The following TBCE variants were observed in gnomAD, a reference collection of about 807,000 sequenced individuals.
The protein encoded by TBCE is tubulin-specific chaperone E.
TBCE carries 53 observed loss-of-function variants against 77.0 expected under a neutral mutation model. The ratio of observed to expected loss-of-function variants is 0.69; its 90% CI spans 0.55 to 0.87. TBCE has a LOEUF of 0.87. Among genes scored for constraint, TBCE ranks in the 40% least tolerant of loss-of-function variants. The probability of loss-of-function intolerance (pLI) is 0.00; values close to 1 mark genes in which losing one functional copy is unlikely to be tolerated. For synonymous variants in TBCE, 235 were observed against 241.3 expected, an observed-to-expected ratio of 0.97 and a Z score of 0.24; for missense variants, 624 against 622.4, an observed-to-expected ratio of 1.00 and a Z score of -0.03.
intron 6 of TBCE, 31 bp downstream of exon 6, chr1:235,427,270 A>G: frequency 6.8e-7 from 1 of 1,475,436 alleles, no homozygotes; most frequent in Non-Finnish European, 9.5e-7. Flanking sequence ...AATCTTCATT[A>G]ACAATAAAGC....
chr1:235,412,033 T>C (rs2102876862), intron 3 of TBCE, among the ~76,000 whole-genome samples: 1 of 144,390 alleles, frequency 6.9e-6, no homozygotes, highest in Non-Finnish European at 1.5e-5. Flanking sequence ...GACCTGGTTT[T>C]AGCATTGGAC....
chr1:235,373,547 A>T (rs1250788123), intron 1 of TBCE, among the ~76,000 whole-genome samples: 1 of 151,358 alleles, frequency 6.6e-6, no homozygotes. Flanking sequence ...GGGTTCAAGC[A>T]ATTCTTGTGC....
In TBCE at chr1:235,442,889, A is replaced by G. The variant is rs1454249830; in HGVS notation, c.1377A>G (p.Lys459=). 1 of 1,614,106 alleles carries G rather than the reference A, an allele frequency of 6.2e-7. No homozygotes were observed. The highest frequency in any genetic ancestry group is 1.7e-5 in the Admixed American group (1 of 60,020). Reference sequence around the variant, plus strand: ...AATACCCTCATCAACTTGATCAGAAAGTCCTGGAGAAACAACTGCCGGGTA... The same window carrying G: ...AATACCCTCATCAACTTGATCAGAAGGTCCTGGAGAAACAACTGCCGGGTA... ...KIKYPHQLDQ[K]VLEKQLPGSM... Residue 459 remains lysine, a synonymous_variant, in exon 15 of 17, where the codon AAA becomes AAG. Transcript: ENST00000642610.
Position 235,419,490 on chromosome 1 carries a change from A to T in TBCE, c.389A>T (p.Gln130Leu). 6.2e-7 allele frequency: 1 copy of T among 1,614,140 alleles called. No homozygotes were observed. The highest frequency in any genetic ancestry group is 8.5e-7 in the Non-Finnish European group (1 of 1,180,030). ...MKQQSQLSKL[Q>L]EVSLRNCAVS... Reference sequence around the variant, plus strand: ...TCATGCAGTCAGCTGAGCAAGTTGCAAGAAGTTTCTCTGAGGAACTGTGCA... The same window carrying T: ...TCATGCAGTCAGCTGAGCAAGTTGCTAGAAGTTTCTCTGAGGAACTGTGCA... The change falls in exon 5 of 17, where the codon CAA becomes CTA. Residue 130 changes from glutamine (Q) to leucine (L), a missense_variant. Transcript: ENST00000642610.
In TBCE at chr1:235,392,017, T is replaced by C. The variant is rs181228392; in HGVS notation, c.101-9486T>C. ...AAAAATACGTTTTCTTACAAAACTG[T>C]ACAGTTTAAATTGTGATTCATAGGT... On this transcript the variant is annotated intron_variant, in intron 2 of 16. Coordinates refer to ENST00000642610, the MANE Select transcript of TBCE (RefSeq NM_003193.5). Among the ~76,000 whole-genome samples, 204 of 152,248 alleles carry C rather than the reference T, an allele frequency of 1.3e-3. 1 individual carries two copies. The Middle Eastern group carries it at 0.017, about 13-fold the overall frequency.
At chr1:235,440,026 A>G (rs6429089) in intron 13 of TBCE, among the ~76,000 whole-genome samples, 84,100 of 151,724 alleles carry the variant, frequency 0.55, 23,423 homozygotes, top group East Asian at 0.66. Flanking sequence ...GCTGGAGTGC[A>G]GTGCCGCGAT....
At position 235,434,212 on chromosome 1, in the gene TBCE, G is replaced by C. The variant is rs148776502; in HGVS notation, c.669G>C (p.Arg223=). The change falls in exon 8 of 17, where the codon CGG becomes CGC. Residue 223 remains arginine, a synonymous_variant. Coordinates refer to ENST00000642610, the MANE Select transcript of TBCE (RefSeq NM_003193.5). ...CCGAGTTTCTCTTCCAGGTGCTGCG[G>C]TGTGTCGCGGGGTGCCCAGGCCTGG... ...QTGITWAEVL[R]CVAGCPGLEE... 16 of 1,614,056 alleles carry C rather than the reference G, an allele frequency of 9.9e-6. No homozygotes were observed. Among genetic ancestry groups the C allele is most frequent in the African/African-American group, 1.3e-5 (1 of 74,944 alleles).
chr1:235,441,552 C>T, intron 13 of TBCE: 1 of 504,522 alleles, frequency 2.0e-6, no homozygotes, highest in Non-Finnish European at 3.6e-6. Context: ...CATTTGTTGT[C>T]TTTTGTTGAG....
chr1:235,368,625 C>A (rs551348858), intron 1 of TBCE, among the ~76,000 whole-genome samples: 2 of 125,950 alleles, frequency 1.6e-5, no homozygotes, highest in African/African-American at 5.9e-5. Context: ...GTGGCCCAAT[C>A]TCAGCTCACT....
intron 2 of TBCE, among the ~76,000 whole-genome samples, chr1:235,392,561 C>A (rs558183043): frequency 1.3e-5 from 2 of 151,596 alleles, no homozygotes; most frequent in African/African-American, 2.4e-5. Flanking sequence ...CAGGCACCCC[C>A]CTCCATGCCC....
chr1:235,371,046 T>TTTC (rs1676915987), intron 1 of TBCE, among the ~76,000 whole-genome samples: 1 of 103,732 alleles, frequency 9.6e-6, no homozygotes, highest in Non-Finnish European at 1.9e-5. Flanking sequence ...GGCTTTTTTT[T>TTTC]TTTTTTTTTT....
intron 3 of TBCE, among the ~76,000 whole-genome samples, chr1:235,407,512 G>A (rs750606821): frequency 6.6e-6 from 1 of 152,198 alleles, no homozygotes; most frequent in Admixed American, 6.6e-5. Flanking sequence ...GGTAAGATTA[G>A]TCTTAGAGTC....
chr1:235,403,316 C>T (rs941458395), intron 3 of TBCE, among the ~76,000 whole-genome samples: 3 of 152,146 alleles, frequency 2.0e-5, no homozygotes, highest in Non-Finnish European at 4.4e-5. Flanking sequence ...AAGCAATTCC[C>T]CTGCCTCAGC....
At chr1:235,374,586 C>G (rs1277751035) in intron 1 of TBCE, among the ~76,000 whole-genome samples, 1 of 145,476 alleles carries the variant, frequency 6.9e-6, no homozygotes, top group African/African-American at 2.7e-5. Context: ...CTGCAACCTC[C>G]GCCTCCTGGA....
At chr1:235,442,264 G>A (rs1407653018) in intron 14 of TBCE, among the ~76,000 whole-genome samples, 4 of 152,084 alleles carry the variant, frequency 2.6e-5, no homozygotes, top group Admixed American at 6.6e-5. Context: ...TCCGCCTCCC[G>A]GGTTCAAGCG....
chr1:235,432,723 A>T (rs1315009051), intron 7 of TBCE, among the ~76,000 whole-genome samples: 1 of 152,000 alleles, frequency 6.6e-6, no homozygotes, highest in Non-Finnish European at 1.5e-5. Flanking sequence ...GAAAATTTAG[A>T]AATAGTTGGT....
At position 235,449,153 on chromosome 1, in the gene TBCE, A is replaced by ACCCTTTTTTAAAG; in HGVS notation, c.*391_*392insCCCTTTTTTAAAG. On this transcript the variant is annotated 3_prime_UTR_variant, in exon 17 of 17. Coordinates refer to ENST00000642610, the MANE Select transcript of TBCE (RefSeq NM_003193.5). Reference sequence around the variant, plus strand: ...CTACTATTTTAAAGGGTTACTAGAAATGATTTGGTTGGTCATTTTGGGAAA... The same window carrying ACCCTTTTTTAAAG: ...CTACTATTTTAAAGGGTTACTAGAAACCCTTTTTTAAAGTGATTTGGTTGGTCATTTTGGGAAA... The ACCCTTTTTTAAAG allele has an allele frequency of 8.0e-6, 2 of 250,146 alleles. No individual in the cohort carries two copies. Among genetic ancestry groups the ACCCTTTTTTAAAG allele is most frequent in the Non-Finnish European group, 1.6e-5 (2 of 127,644 alleles). The allele number at this position is 250,146 out of a possible 1,614,324, so 15.5% of individuals were successfully genotyped here.
At chr1:235,437,273 G>C (rs1681523035) in intron 11 of TBCE, 49 bp from the exon 12 acceptor site, 1 of 1,613,260 alleles carries the variant, frequency 6.2e-7, no homozygotes, top group Non-Finnish European at 8.5e-7. Context: ...TTCTGCAAAA[G>C]TGGCATGAAC....
chr1:235,445,027 T>C (rs1682150741), intron 15 of TBCE, among the ~76,000 whole-genome samples: 1 of 152,216 alleles, frequency 6.6e-6, no homozygotes, highest in Non-Finnish European at 1.5e-5. Flanking sequence ...CAGTTAGCCA[T>C]TTTGGGAACA....
Sources: gnomAD v4.1 joint callset for allele counts (sites outside exome capture counted in the v4.1 genomes callset) on GRCh38, gnomAD v4.1.1 for gene constraint, MANE v1.5 for transcripts, NCBI Gene and HGNC (gene_info 2026-07-23, HGNC 2026-07-21) for gene names.